WWOX: variants seen among roughly 807,000 people sequenced by gnomAD.
WWOX encodes the protein WW domain containing oxidoreductase, also known as WW domain-containing oxidoreductase.
WWOX carries 69 observed loss-of-function variants against 46.2 expected under a neutral mutation model. The ratio of observed to expected loss-of-function variants is 1.49; its 90% CI spans 1.23 to 1.82. WWOX has a LOEUF of 1.82. Among genes scored for constraint, WWOX ranks in the 40% most tolerant of loss-of-function variants. WWOX has a pLI of 0.00. For missense variants in WWOX, 919 were observed against 542.6 expected (o/e 1.69, Z -6.89); for synonymous variants, 359 against 202.6 (o/e 1.77, Z -6.56).
chr16:78,300,280 A>T (rs1032537478), intron 5 of WWOX, among the ~76,000 whole-genome samples: 3 of 152,236 alleles, frequency 2.0e-5, no homozygotes, highest in Non-Finnish European at 4.4e-5. Context: ...GTTTGTCTCC[A>T]ATATGGGTGT....
Position 78,918,980 on chromosome 16 carries a change from A to G in WWOX, c.1057-292628A>G, listed in dbSNP as rs527874273. Among the ~76,000 whole-genome samples the G allele has an allele frequency of 3.9e-5, 6 of 152,280 alleles. No individual in the cohort carries two copies. In the South Asian group the frequency reaches 1.2e-3, roughly 32 times the overall value. ...TCTGATTGGACCCAGGGCAGAAAAA[A>G]GAACTTTCAGGTGGAAATACAGTCG... On this transcript the variant is annotated intron_variant, in intron 8 of 8. Coordinates refer to ENST00000566780, the MANE Select transcript of WWOX (RefSeq NM_016373.4).
intron 6 of WWOX, among the ~76,000 whole-genome samples, chr16:78,422,729 A>G (rs1456575141): frequency 1.2e-4 from 12 of 98,914 alleles, no homozygotes; most frequent in African/African-American, 1.4e-4. Flanking sequence ...ACATATATAT[A>G]TACACACACA....
intron 8 of WWOX, among the ~76,000 whole-genome samples, chr16:79,059,059 G>A (rs1321302140): frequency 6.6e-6 from 1 of 152,160 alleles, no homozygotes; most frequent in African/African-American, 2.4e-5. Flanking sequence ...TCAGTCATAA[G>A]CTTTATAGGA....
chr16:78,574,103 T>C (rs2044786910), intron 8 of WWOX, among the ~76,000 whole-genome samples: 1 of 152,232 alleles, frequency 6.6e-6, no homozygotes, highest in African/African-American at 2.4e-5. Context: ...GGCTGTTGGC[T>C]GGAGGTACCC....
At chr16:78,175,172 T>G (rs11643308) in intron 5 of WWOX, among the ~76,000 whole-genome samples, 57,418 of 151,728 alleles carry the variant, frequency 0.38, 10,895 homozygotes, top group East Asian at 0.56. Context: ...CTTCCACAGG[T>G]TCTGGAGTTA....
chr16:78,297,768 T>C (rs1423759595), intron 5 of WWOX, among the ~76,000 whole-genome samples: 1 of 152,130 alleles, frequency 6.6e-6, no homozygotes, highest in Non-Finnish European at 1.5e-5. Context: ...TGTCTTTATA[T>C]CCTAGTATGG....
chr16:78,758,041 A>C (rs930019589), intron 8 of WWOX, among the ~76,000 whole-genome samples: 23 of 152,164 alleles, frequency 1.5e-4, no homozygotes, highest in African/African-American at 5.5e-4. Context: ...CCCCACCTTC[A>C]CAATGTGCCC....
intron 8 of WWOX, among the ~76,000 whole-genome samples, chr16:78,971,083 G>C (rs138046570): frequency 6.6e-6 from 1 of 151,942 alleles, no homozygotes. Flanking sequence ...ATATGTATAT[G>C]TATATCAATA....
intron 8 of WWOX, among the ~76,000 whole-genome samples, chr16:79,099,775 C>T (rs2049154335): frequency 6.6e-6 from 1 of 152,128 alleles, no homozygotes; most frequent in African/African-American, 2.4e-5. Context: ...TATTTGGTTA[C>T]AGTATGAGAG....
At position 78,701,449 on chromosome 16, in the gene WWOX, T is replaced by A. The variant is rs1382735884; in HGVS notation, c.1056+268697T>A. On this transcript the variant is annotated intron_variant, in intron 8 of 8. Transcript: ENST00000566780. ...GGAGGTTGAAGGTCCGATGGCCACA[T>A]AGGTGGCAGTGCTGGAATTTGAACC... Among the ~76,000 whole-genome samples the A allele has an allele frequency of 2.0e-5, 3 of 152,104 alleles. No homozygotes were observed. The East Asian group carries it at 5.8e-4, about 29-fold the overall frequency.
intron 8 of WWOX, among the ~76,000 whole-genome samples, chr16:78,554,366 C>T (rs529992317): frequency 6.7e-4 from 102 of 152,254 alleles, no homozygotes; most frequent in African/African-American, 2.4e-3. Flanking sequence ...AAGCCATCAC[C>T]AAGGTCTGAT....
chr16:78,146,740 G>T (rs909762011), intron 4 of WWOX, among the ~76,000 whole-genome samples: 4 of 152,136 alleles, frequency 2.6e-5, no homozygotes, highest in South Asian at 4.1e-4. Flanking sequence ...TTTACCAATT[G>T]TATGCCCTGT....
intron 4 of WWOX, among the ~76,000 whole-genome samples, chr16:78,161,192 T>A (rs13338598): frequency 6.6e-5 from 10 of 152,208 alleles, no homozygotes; most frequent in Non-Finnish European, 1.5e-4. Flanking sequence ...ATGTACATTC[T>A]TTTTTAAGGA....
At chr16:78,673,616 A>C (rs1470688682) in intron 8 of WWOX, among the ~76,000 whole-genome samples, 1 of 152,188 alleles carries the variant, frequency 6.6e-6, no homozygotes, top group Non-Finnish European at 1.5e-5. Flanking sequence ...ACGACTTGCT[A>C]AAAGAAAATA....
intron 8 of WWOX, among the ~76,000 whole-genome samples, chr16:78,646,571 G>A (rs776812866): frequency 1.3e-5 from 2 of 152,026 alleles, no homozygotes; most frequent in Non-Finnish European, 2.9e-5. Context: ...GGAATTACAC[G>A]TATGTACCAC....
chr16:79,020,544 C>T (rs570937606), intron 8 of WWOX, among the ~76,000 whole-genome samples: 1 of 152,258 alleles, frequency 6.6e-6, no homozygotes, highest in South Asian at 2.1e-4. Context: ...CTAGCACATA[C>T]AACACAATCT....
chr16:78,463,827 T>A (rs1597120972), intron 8 of WWOX, among the ~76,000 whole-genome samples: 1 of 152,316 alleles, frequency 6.6e-6, no homozygotes, highest in African/African-American at 2.4e-5. Context: ...GAGGGAGTTT[T>A]GTTTGCAAAT....
intron 5 of WWOX, among the ~76,000 whole-genome samples, chr16:78,360,391 G>C (rs1302285786): frequency 6.6e-6 from 1 of 152,038 alleles, no homozygotes; most frequent in East Asian, 1.9e-4. Flanking sequence ...TTCAAGACCA[G>C]CCTGGTCAAA....
At chr16:78,539,983 A>ATCTCTC (rs1335295060) in intron 8 of WWOX, among the ~76,000 whole-genome samples, 1 of 143,918 alleles carries the variant, frequency 6.9e-6, no homozygotes, top group Non-Finnish European at 1.5e-5. Context: ...TTTCCAATAC[A>ATCTCTC]TCTCTCTCTC....
Sources: allele counts gnomAD v4.1 joint callset (sites outside exome capture counted in the v4.1 genomes callset), GRCh38; gene constraint gnomAD v4.1.1; transcripts MANE v1.5; gene names NCBI Gene and HGNC (gene_info 2026-07-23, HGNC 2026-07-21).